RCAN2: variants seen among roughly 807,000 people sequenced by gnomAD.
RCAN2 encodes the protein calcipressin-2.
RCAN2 carries 9 observed loss-of-function variants against 23.6 expected under a neutral mutation model. The ratio of observed to expected loss-of-function variants is 0.38; its 90% CI spans 0.23 to 0.67. RCAN2 has a LOEUF of 0.67. Among genes scored for constraint, RCAN2 ranks in the 30% least tolerant of loss-of-function variants. The probability of loss-of-function intolerance (pLI) is 0.51; values close to 1 mark genes in which losing one functional copy is unlikely to be tolerated. For missense variants in RCAN2, 273 were observed against 302.3 expected, an observed-to-expected ratio of 0.90 and a Z score of 0.72; for synonymous variants, 109 against 115.7, an observed-to-expected ratio of 0.94 and a Z score of 0.37.
At chr6:46,263,543 GTGTGTGTGTGTGTGTGTA>G (rs1767210877) in intron 2 of RCAN2, among the ~76,000 whole-genome samples, 3 of 124,010 alleles carry the variant, frequency 2.4e-5, no homozygotes, top group Admixed American at 7.8e-5. Context: ...GTGTGTATGT[GTGTGTGTGTGTGTGTGTA>G]TGTGTGTGTG....
chr6:46,311,670 C>T (rs978519643), intron 2 of RCAN2, among the ~76,000 whole-genome samples: 2 of 152,156 alleles, frequency 1.3e-5, no homozygotes, highest in Non-Finnish European at 2.9e-5. Flanking sequence ...CTTTGAAACC[C>T]CAGATCAAAG....
intron 3 of RCAN2, among the ~76,000 whole-genome samples, 189 bp downstream of exon 3, chr6:46,248,534 G>A (rs1276682547): frequency 6.6e-6 from 1 of 152,060 alleles, no homozygotes; most frequent in Non-Finnish European, 1.5e-5. Context: ...CTGGTAGGCA[G>A]CTCTCAGAGC....
chr6:46,471,891 GCACA>G lies in RCAN2; in HGVS notation c.-2-14917_-2-14914del, dbSNP rs139974801. 8.5e-3 allele frequency among the ~76,000 whole-genome samples: 1,294 copies of G among 151,580 alleles called. 17 individuals are homozygous for G. The highest frequency in any genetic ancestry group is 0.029 in the African/African-American group (1,208 of 41,348). ...CAACAGTCAACAACCAGGTGCGTGC[GCACA>G]CACACACACACTCACACAGTCCCCC... On this transcript the variant is annotated intron_variant, in intron 1 of 4. Transcript: ENST00000371374.
intron 4 of RCAN2, among the ~76,000 whole-genome samples, chr6:46,239,998 G>A (rs1766246345): frequency 6.6e-6 from 1 of 152,156 alleles, no homozygotes; most frequent in African/African-American, 2.4e-5. Flanking sequence ...GAAAGAGGTG[G>A]GAAGATAAAG....
At chr6:46,293,305 T>TA (rs1206252307) in intron 2 of RCAN2, among the ~76,000 whole-genome samples, 2 of 152,350 alleles carry the variant, frequency 1.3e-5, no homozygotes, top group East Asian at 3.9e-4. Context: ...CATGCTATGA[T>TA]AACTGACCTT....
intron 4 of RCAN2, among the ~76,000 whole-genome samples, chr6:46,232,029 A>C (rs1765910838): frequency 6.6e-6 from 1 of 152,230 alleles, no homozygotes; most frequent in African/African-American, 2.4e-5. Context: ...CTGCATCAAC[A>C]AGCATTGAAT....
intron 2 of RCAN2, among the ~76,000 whole-genome samples, chr6:46,361,245 A>G (rs922106173): frequency 2.6e-5 from 4 of 152,170 alleles, no homozygotes; most frequent in African/African-American, 9.7e-5. Context: ...GTCTGCATGT[A>G]ATGAGACCAG....
intron 1 of RCAN2, among the ~76,000 whole-genome samples, chr6:46,470,246 C>A (rs988113466): frequency 6.6e-6 from 1 of 152,200 alleles, no homozygotes; most frequent in African/African-American, 2.4e-5. Context: ...ATGAGGGGCC[C>A]ATCTGGCATT....
intron 2 of RCAN2, among the ~76,000 whole-genome samples, chr6:46,433,783 G>C (rs1561903939): frequency 6.6e-6 from 1 of 152,084 alleles, no homozygotes; most frequent in Admixed American, 6.6e-5. Context: ...CTAAGCTTGT[G>C]GTAAATTGTT....
intron 2 of RCAN2, 109 bp from the exon 3 acceptor site, chr6:46,249,005 T>C (rs1766617497): frequency 8.2e-6 from 6 of 730,852 alleles, no homozygotes; most frequent in South Asian, 2.4e-5. Flanking sequence ...TAATAACATA[T>C]GGTTTAAATA....
At chr6:46,457,263 T>C (rs1350706510) in intron 1 of RCAN2, among the ~76,000 whole-genome samples, 1 of 152,200 alleles carries the variant, frequency 6.6e-6, no homozygotes, top group South Asian at 2.1e-4. Context: ...TCACCACCAC[T>C]ACTACCAATG....
At chr6:46,479,873 G>A (rs1768809934) in intron 1 of RCAN2, among the ~76,000 whole-genome samples, 1 of 152,058 alleles carries the variant, frequency 6.6e-6, no homozygotes, top group Non-Finnish European at 1.5e-5. Context: ...GAGCCACTGT[G>A]CCCAGCCACA....
At chr6:46,437,180 G>A (rs1456718503) in intron 2 of RCAN2, among the ~76,000 whole-genome samples, 1 of 152,190 alleles carries the variant, frequency 6.6e-6, no homozygotes, top group African/African-American at 2.4e-5. Flanking sequence ...CAGGCAATAG[G>A]AAAACGAGCC....
At chr6:46,477,526 G>A (rs1245435055) in intron 1 of RCAN2, among the ~76,000 whole-genome samples, 5 of 152,124 alleles carry the variant, frequency 3.3e-5, no homozygotes, top group Admixed American at 3.3e-4. Flanking sequence ...TGTCAAATGT[G>A]GAGGAAGATA....
chr6:46,363,785 A>G (rs1356548190), intron 2 of RCAN2, among the ~76,000 whole-genome samples: 1 of 120,436 alleles, frequency 8.3e-6, no homozygotes, highest in Non-Finnish European at 1.7e-5. Flanking sequence ...TTAAAAAGTA[A>G]AATAATGATT....
chr6:46,291,242 C>T (rs917404696), intron 2 of RCAN2, among the ~76,000 whole-genome samples: 3 of 150,604 alleles, frequency 2.0e-5, no homozygotes, highest in Non-Finnish European at 4.4e-5. Flanking sequence ...AAGCTGAATC[C>T]AGCTGAACTG....
intron 4 of RCAN2, 118 bp from the exon 5 acceptor site, chr6:46,223,419 C>T: frequency 1.1e-6 from 1 of 893,562 alleles, no homozygotes; most frequent in Non-Finnish European, 1.7e-6. Context: ...AGCCTGTGAT[C>T]TTATGCAGGG....
At chr6:46,386,022 G>T (rs1765734712) in intron 2 of RCAN2, among the ~76,000 whole-genome samples, 1 of 151,984 alleles carries the variant, frequency 6.6e-6, no homozygotes, top group African/African-American at 2.4e-5. Context: ...TTGACAAATG[G>T]GATCTAATTA....
At chr6:46,254,859 C>G (rs1470123560) in intron 2 of RCAN2, among the ~76,000 whole-genome samples, 3 of 152,080 alleles carry the variant, frequency 2.0e-5, no homozygotes, top group Non-Finnish European at 2.9e-5. Context: ...GACAGAGAAA[C>G]ATAGGGAGAG....
Sources: gnomAD v4.1 joint callset for allele counts (sites outside exome capture counted in the v4.1 genomes callset) on GRCh38, gnomAD v4.1.1 for gene constraint, MANE v1.5 for transcripts, NCBI Gene and HGNC (gene_info 2026-07-23, HGNC 2026-07-21) for gene names.